Variants in PDZRN3 observed in about 807,000 individuals in gnomAD.
PDZRN3 encodes PDZ domain containing ring finger 3, also known as E3 ubiquitin-protein ligase PDZRN3.
In PDZRN3, 38 loss-of-function variants were observed where a neutral mutation model predicts 85.7. The observed-to-expected ratio is 0.44, with a 90% confidence interval of 0.34 to 0.58. The LOEUF (loss-of-function observed/expected upper bound fraction) is 0.58. Among genes scored for constraint, PDZRN3 ranks in the 20% least tolerant of loss-of-function variants. The pLI, the probability that PDZRN3 is intolerant of heterozygous loss-of-function variation, is 0.01. For synonymous variants in PDZRN3, 759 were observed against 638.0 expected, an observed-to-expected ratio of 1.19 and a Z score of -2.86; for missense variants, 1,629 against 1,506.4, an observed-to-expected ratio of 1.08 and a Z score of -1.35.
intron 3 of PDZRN3, among the ~76,000 whole-genome samples, chr3:73,568,896 C>T (rs905294617): frequency 2.6e-5 from 4 of 152,176 alleles, no homozygotes; most frequent in Non-Finnish European, 5.9e-5. Context: ...ATTTGATTCA[C>T]GGAAGCCAGA....
chr3:73,453,888 T>C (rs1158343079), intron 3 of PDZRN3, among the ~76,000 whole-genome samples: 1 of 152,148 alleles, frequency 6.6e-6, no homozygotes, highest in African/African-American at 2.4e-5. Context: ...TTGTCCAACA[T>C]CAACAGGTCA....
At position 73,624,550 on chromosome 3, in the gene PDZRN3, C is replaced by A; in HGVS notation, c.276G>T (p.Val92=). 6.6e-7 allele frequency: 1 copy of A among 1,515,200 alleles called. No homozygotes were observed. The allele number at this position is 1,515,200 out of a possible 1,614,324, so 93.9% of individuals were successfully genotyped here. A position where few individuals can be genotyped will look rare whatever the true frequency, so the allele number is the denominator to read the frequency against. The change falls in exon 1 of 10, where the codon GTG becomes GTT. Residue 92 remains valine, a synonymous_variant. Transcript: ENST00000263666. The part of the protein sequence containing the change: ...CAYATRGCGR[V]VKLQQLPEHL... ...GCTCCGGCAGCTGCTGCAGCTTGAC[C>A]ACCCGGCCGCAGCCGCGCGTCGCGT... is the stretch of plus-strand genomic sequence containing the variant.
intron 3 of PDZRN3, among the ~76,000 whole-genome samples, chr3:73,558,148 C>A (rs1443804420): frequency 6.7e-6 from 1 of 149,232 alleles, no homozygotes; most frequent in Non-Finnish European, 1.5e-5. Flanking sequence ...GTAGTATAAC[C>A]AGTTATGTTT....
intron 2 of PDZRN3, among the ~76,000 whole-genome samples, chr3:73,605,960 T>G (rs139762088): frequency 6.6e-6 from 1 of 152,352 alleles, no homozygotes; most frequent in Non-Finnish European, 1.5e-5. Context: ...AGACATGCTC[T>G]TTGATAAGCA....
At chr3:73,478,309 TC>T (rs562622387) in intron 3 of PDZRN3, among the ~76,000 whole-genome samples, 263 of 152,140 alleles carry the variant, frequency 1.7e-3, no homozygotes, top group Non-Finnish European at 2.4e-3. Context: ...CCACCTAAGC[TC>T]TGTCTCCTGT....
chr3:73,620,629 T>G (rs1702843452), intron 1 of PDZRN3, among the ~76,000 whole-genome samples: 1 of 144,858 alleles, frequency 6.9e-6, no homozygotes, highest in Admixed American at 7.2e-5. Context: ...CAGGCCGGAG[T>G]GCAGTGGCAC....
intron 3 of PDZRN3, among the ~76,000 whole-genome samples, chr3:73,544,591 G>A (rs1000478386): frequency 6.6e-6 from 1 of 151,598 alleles, no homozygotes; most frequent in Non-Finnish European, 1.5e-5. Context: ...ATATTTGAAT[G>A]ATAAACAAAC....
intron 3 of PDZRN3, among the ~76,000 whole-genome samples, chr3:73,483,557 G>A (rs1575683470): frequency 6.6e-6 from 1 of 152,218 alleles, no homozygotes; most frequent in African/African-American, 2.4e-5. Flanking sequence ...CTGCCACATA[G>A]TTAAGCAAAT....
At chr3:73,597,875 A>G (rs1039084041) in intron 3 of PDZRN3, among the ~76,000 whole-genome samples, 1 of 152,096 alleles carries the variant, frequency 6.6e-6, no homozygotes, top group Non-Finnish European at 1.5e-5. Context: ...CAAATGAGGT[A>G]TTCACAGAAC....
At chr3:73,492,099 A>G (rs1703781522) in intron 3 of PDZRN3, among the ~76,000 whole-genome samples, 1 of 152,194 alleles carries the variant, frequency 6.6e-6, no homozygotes, top group Admixed American at 6.5e-5. Context: ...GAAAGTTTCA[A>G]CTAGTGCTTC....
chr3:73,433,170 C>T (rs907095367), intron 3 of PDZRN3, among the ~76,000 whole-genome samples: 13 of 152,256 alleles, frequency 8.5e-5, no homozygotes, highest in Non-Finnish European at 1.6e-4. Context: ...ACCATATGTC[C>T]CACTACAAGA....
intron 3 of PDZRN3, among the ~76,000 whole-genome samples, chr3:73,419,041 A>T (rs904741124): frequency 6.6e-6 from 1 of 152,182 alleles, no homozygotes; most frequent in African/African-American, 2.4e-5. Flanking sequence ...CACAGCAATT[A>T]GCGTGTGGAC....
chr3:73,446,053 A>G (rs146587947), intron 3 of PDZRN3, among the ~76,000 whole-genome samples: 1 of 152,226 alleles, frequency 6.6e-6, no homozygotes, highest in Admixed American at 6.5e-5. Flanking sequence ...GGGTAAGCAC[A>G]AGTGTGCTGG....
intron 3 of PDZRN3, among the ~76,000 whole-genome samples, chr3:73,446,682 G>C (rs1221298948): frequency 6.6e-6 from 1 of 152,142 alleles, no homozygotes; most frequent in East Asian, 1.9e-4. Flanking sequence ...CAGGGAAGCT[G>C]AGGAAGAACG....
chr3:73,471,743 T>C (rs1416234076), intron 3 of PDZRN3, among the ~76,000 whole-genome samples: 1 of 152,250 alleles, frequency 6.6e-6, no homozygotes, highest in Non-Finnish European at 1.5e-5. Flanking sequence ...TTGTCTTTTC[T>C]AGTTCCCAGG....
In PDZRN3 at chr3:73,383,850, ACATGCTCAC is replaced by A; in HGVS notation, c.2707_2715del (p.Val903_Met905del). On this transcript the variant is annotated inframe_deletion, in exon 10 of 10. Coordinates refer to ENST00000263666, the MANE Select transcript of PDZRN3 (RefSeq NM_015009.3). ...GGGGTGGGAGAGCTCAGGTCCTTGCACATGCTCACCAGGCTCATCTGGCTTTGCGCGTAC... is the reference window on the plus strand; with the variant it reads ...GGGGTGGGAGAGCTCAGGTCCTTGCACAGGCTCATCTGGCTTTGCGCGTAC... 1.2e-6 allele frequency: 2 copies of A among 1,613,772 alleles called. No homozygotes were observed. The highest frequency in any genetic ancestry group is 1.7e-6 in the Non-Finnish European group (2 of 1,179,998).
In PDZRN3 at chr3:73,444,564, G is replaced by A. The variant is rs181982860; in HGVS notation, c.919-40169C>T. 2.1e-3 allele frequency among the ~76,000 whole-genome samples: 326 copies of A among 152,288 alleles called. 1 individual carries two copies. Among genetic ancestry groups the A allele is most frequent in the Non-Finnish European group, 1.2e-3 (82 of 68,028 alleles). ...TTATTGAGCATCTGTGCTACACATC[G>A]TCCCAGCTCAGGGAATACAGAAAAA... is the stretch of plus-strand genomic sequence containing the variant. On this transcript the variant is annotated intron_variant, in intron 3 of 9. Transcript: ENST00000263666.
At chr3:73,598,476 G>C (rs991171515) in intron 3 of PDZRN3, among the ~76,000 whole-genome samples, 5 of 152,186 alleles carry the variant, frequency 3.3e-5, no homozygotes, top group Admixed American at 2.6e-4. Context: ...GGAGTGCAGG[G>C]AAGACACAAA....
In PDZRN3 at chr3:73,384,383, T is replaced by C. The variant is rs192791434; in HGVS notation, c.2183A>G (p.Asn728Ser). 6.8e-6 allele frequency: 11 copies of C among 1,609,304 alleles called. No individual in the cohort carries two copies. Among genetic ancestry groups the C allele is most frequent in the African/African-American group, 1.3e-5 (1 of 74,934 alleles). The change falls in exon 10 of 10, where the codon AAC (asparagine) becomes AGC (serine). Residue 728 changes from asparagine (N) to serine (S), a missense_variant. Physicochemically the swap from Asn to Ser is conservative, Grantham distance 46 (BLOSUM62 1). Transcript: ENST00000263666. Reference sequence around the variant, plus strand: ...GCGCACGTCGATGCTGGTGTTGTAGTTGCGGAAGCCGCTGTTGTGCAGCAT... The same window carrying C: ...GCGCACGTCGATGCTGGTGTTGTAGCTGCGGAAGCCGCTGTTGTGCAGCAT... ...SWMLHNSGFR[N>S]YNTSIDVRRH... is the part of the protein sequence containing the mutation.
Sources: gnomAD v4.1 joint callset for allele counts (sites outside exome capture counted in the v4.1 genomes callset) on GRCh38, gnomAD v4.1.1 for gene constraint, MANE v1.5 for transcripts, NCBI Gene and HGNC (gene_info 2026-07-23, HGNC 2026-07-21) for gene names.